NOX4: variants seen among roughly 807,000 people sequenced by gnomAD.
NOX4 encodes kidney oxidase-1.
NOX4 carries 69 observed loss-of-function variants against 87.6 expected under a neutral mutation model. That is an observed-to-expected ratio of 0.79 (90% CI 0.65 to 0.96). The LOEUF (loss-of-function observed/expected upper bound fraction) is 0.96, where lower values mean the gene tolerates loss of function less well. NOX4 is among the 40% of genes least tolerant of loss of function. The probability of loss-of-function intolerance (pLI) is 0.00; values close to 1 mark genes in which losing one functional copy is unlikely to be tolerated. For synonymous variants in NOX4, 275 were observed against 238.2 expected (o/e 1.15, Z -1.42); for missense variants, 680 against 681.5 (o/e 1.00, Z 0.02).
intron 8 of NOX4, among the ~76,000 whole-genome samples, chr11:89,405,641 A>C (rs989179044): frequency 6.6e-6 from 1 of 151,374 alleles, no homozygotes; most frequent in African/African-American, 2.4e-5. Context: ...AAAAAAACTC[A>C]AGTATGACAT....
chr11:89,495,582 A>G (rs1027687327), upstream of NOX4, among the ~76,000 whole-genome samples: 3 of 152,166 alleles, frequency 2.0e-5, 1 homozygote, highest in Non-Finnish European at 4.4e-5. Flanking sequence ...AGTTCCTGAG[A>G]TTAGGATATG....
the NOX4 span, among the ~76,000 whole-genome samples, chr11:89,518,373 T>TG: frequency 0.029 from 2,971 of 101,810 alleles, 65 homozygotes; most frequent in African/African-American, 0.11. Flanking sequence ...CAGAAAGTCT[T>TG]GGGGGGGGGA....
At chr11:89,452,969 A>G (rs1166943012) in intron 2 of NOX4, among the ~76,000 whole-genome samples, 1 of 152,146 alleles carries the variant, frequency 6.6e-6, no homozygotes, top group Admixed American at 6.6e-5. Flanking sequence ...GCTTGAACCC[A>G]GGAGCTTGAG....
At chr11:89,571,911 G>T in the NOX4 span, among the ~76,000 whole-genome samples, 1 of 152,148 alleles carries the variant, frequency 6.6e-6, no homozygotes, top group South Asian at 2.1e-4. Flanking sequence ...ACAAATGCAT[G>T]TCTGATTGCT....
intron 6 of NOX4, among the ~76,000 whole-genome samples, chr11:89,437,396 A>T (rs1392385405): frequency 6.6e-6 from 1 of 152,086 alleles, no homozygotes; most frequent in Non-Finnish European, 1.5e-5. Flanking sequence ...TCATGCCATT[A>T]CCATCCTTAG....
intron 2 of NOX4, among the ~76,000 whole-genome samples, chr11:89,452,137 C>G (rs1432636589): frequency 6.6e-6 from 1 of 152,188 alleles, no homozygotes; most frequent in South Asian, 2.1e-4. Flanking sequence ...GTTACAATCA[C>G]CTGAAAACAC....
At chr11:89,476,596 TC>T (rs1185171092) in intron 2 of NOX4, among the ~76,000 whole-genome samples, 3 of 152,184 alleles carry the variant, frequency 2.0e-5, no homozygotes, top group Non-Finnish European at 4.4e-5. Flanking sequence ...TTATTTGTGC[TC>T]CTTTTTAAAA....
chr11:89,556,264 A>G, the NOX4 span, among the ~76,000 whole-genome samples: 1 of 152,226 alleles, frequency 6.6e-6, no homozygotes, highest in South Asian at 2.1e-4. Flanking sequence ...GGAAGAAGGC[A>G]TAAGGAGAAA....
chr11:89,506,307 GAGAA>G, the NOX4 span, among the ~76,000 whole-genome samples: 1 of 76,356 alleles, frequency 1.3e-5, no homozygotes, highest in African/African-American at 4.0e-5. Flanking sequence ...AAGAAAGAGA[GAGAA>G]AGAAAGAAAG....
chr11:89,523,148 C>T, the NOX4 span, among the ~76,000 whole-genome samples: 1 of 152,170 alleles, frequency 6.6e-6, no homozygotes, highest in South Asian at 2.1e-4. Flanking sequence ...CTCAGCCTCC[C>T]GATTAGCTGG....
chr11:89,457,931 T>A (rs73535448), intron 2 of NOX4, among the ~76,000 whole-genome samples: 3,105 of 151,482 alleles, frequency 0.02, 113 homozygotes, highest in African/African-American at 0.07. Flanking sequence ...GAAAAAAAAA[T>A]TCCATGTTCA....
At chr11:89,330,426 A>C (rs561871388) in intron 17 of NOX4, among the ~76,000 whole-genome samples, 1 of 152,186 alleles carries the variant, frequency 6.6e-6, no homozygotes, top group African/African-American at 2.4e-5. Flanking sequence ...TAAACTTAGA[A>C]CAATGTTTCT....
the NOX4 span, among the ~76,000 whole-genome samples, chr11:89,525,975 C>G: frequency 1.2e-4 from 18 of 152,048 alleles, no homozygotes; most frequent in Non-Finnish European, 2.9e-5. Context: ...GATTCTCTTT[C>G]TCCATTCAGT....
At chr11:89,387,143 C>G (rs1940772353) in intron 11 of NOX4, among the ~76,000 whole-genome samples, 1 of 152,076 alleles carries the variant, frequency 6.6e-6, no homozygotes, top group South Asian at 2.1e-4. Context: ...CACCCCAACA[C>G]TTTACCACTA....
rs1172731822 is a variant in NOX4, at chr11:89,400,097, G to T, written c.1012-18C>A. ...GTAATATACTAAAAAGCAACAAACA[G>T]ATAAGTTTTAAATGACCAATTAAGA... On this transcript the variant is annotated intron_variant, in intron 10 of 17. Coordinates refer to ENST00000263317, the MANE Select transcript of NOX4 (RefSeq NM_016931.5). 1 of 1,593,060 alleles carries T rather than the reference G, an allele frequency of 6.3e-7. No individual in the cohort carries two copies. Among genetic ancestry groups the T allele is most frequent in the Non-Finnish European group, 8.6e-7 (1 of 1,165,952 alleles).
intron 12 of NOX4, among the ~76,000 whole-genome samples, chr11:89,365,853 T>C (rs1361798336): frequency 6.6e-6 from 1 of 151,310 alleles, no homozygotes; most frequent in South Asian, 2.1e-4. Flanking sequence ...ATGCAATATA[T>C]GGGCCTTTAA....
the NOX4 span, among the ~76,000 whole-genome samples, chr11:89,506,375 A>G: frequency 1.3e-5 from 2 of 151,704 alleles, no homozygotes; most frequent in Non-Finnish European, 2.9e-5. Context: ...GGAACAAAGG[A>G]AAAAATAAAG....
chr11:89,480,885 A>G (rs1196928976), intron 2 of NOX4, among the ~76,000 whole-genome samples: 1 of 152,128 alleles, frequency 6.6e-6, no homozygotes, highest in Non-Finnish European at 1.5e-5. Flanking sequence ...ATTAATAAAA[A>G]GTATTAAGTA....
chr11:89,369,049 G>A (rs1358763074), intron 12 of NOX4, among the ~76,000 whole-genome samples: 1 of 151,700 alleles, frequency 6.6e-6, no homozygotes, highest in Non-Finnish European at 1.5e-5. Context: ...CTGTTCTTTA[G>A]TCCTTGTATG....
Sources: allele counts gnomAD v4.1 joint callset (sites outside exome capture counted in the v4.1 genomes callset), GRCh38; gene constraint gnomAD v4.1.1; transcripts MANE v1.5; gene names NCBI Gene and HGNC (gene_info 2026-07-23, HGNC 2026-07-21).